Variants in C16orf74 observed in about 807,000 individuals in gnomAD.
C16orf74 encodes calcimembrin.
In C16orf74, 10 loss-of-function variants were observed where a neutral mutation model predicts 6.5. The observed-to-expected ratio is 1.54, with a 90% CI of 0.95 to 2.61. C16orf74 has a LOEUF of 2.61. Ranked by LOEUF, C16orf74 falls within the 30% of genes most tolerant of loss-of-function variation. The pLI, the probability that C16orf74 is intolerant of heterozygous loss-of-function variation, is 0.00. For synonymous variants in C16orf74, 60 were observed against 42.5 expected (o/e 1.41, Z -1.60); for missense variants, 141 against 105.9 (o/e 1.33, Z -1.45).
At chr16:85,746,305 G>A (rs946076629) in intron 1 of C16orf74, among the ~76,000 whole-genome samples, 4 of 151,768 alleles carry the variant, frequency 2.6e-5, no homozygotes, top group Admixed American at 6.6e-5. Context: ...AGTGGAGATC[G>A]CGCCACTGCA....
At chr16:85,724,548 C>T (rs571514365) in intron 2 of C16orf74, among the ~76,000 whole-genome samples, 3 of 152,166 alleles carry the variant, frequency 2.0e-5, no homozygotes, top group Admixed American at 6.5e-5. Context: ...CCTTGCTGTG[C>T]GGATGAAAGG....
At chr16:85,741,280 C>T (rs1022824052) in intron 1 of C16orf74, among the ~76,000 whole-genome samples, 8 of 152,304 alleles carry the variant, frequency 5.3e-5, no homozygotes, top group Middle Eastern at 3.4e-3. Flanking sequence ...TGTATTATGC[C>T]GTGCCAGGCA....
chr16:85,726,888 T>C (rs1409805908), intron 2 of C16orf74, among the ~76,000 whole-genome samples: 2 of 152,154 alleles, frequency 1.3e-5, no homozygotes, highest in Non-Finnish European at 2.9e-5. Context: ...CCCATGAGTT[T>C]CTGCTACCGG....
chr16:85,733,063 G>C (rs1420651991), intron 2 of C16orf74, among the ~76,000 whole-genome samples: 3 of 152,194 alleles, frequency 2.0e-5, no homozygotes, highest in Non-Finnish European at 4.4e-5. Flanking sequence ...CCTTGGGCTG[G>C]AAGAAAAGTG....
At position 85,707,772 on chromosome 16, in the gene C16orf74, A is replaced by G; in HGVS notation, c.*236T>C. On this transcript the variant is annotated 3_prime_UTR_variant, in exon 4 of 4. Coordinates refer to ENST00000284245, the MANE Select transcript of C16orf74 (RefSeq NM_206967.3). ...TCCCTTTCACCAGGCCGGAGTCAGC[A>G]AGAACCTGGAGGTGTCAGAGGTCCG... 1.8e-6 allele frequency: 1 copy of G among 546,872 alleles called. No individual in the cohort carries two copies. Among genetic ancestry groups the G allele is most frequent in the East Asian group, 3.3e-5 (1 of 30,646 alleles). The allele number at this position is 546,872 out of a possible 1,614,324, so 33.9% of individuals were successfully genotyped here.
intron 2 of C16orf74, among the ~76,000 whole-genome samples, chr16:85,722,166 G>C (rs2054089663): frequency 6.6e-6 from 1 of 151,832 alleles, no homozygotes; most frequent in South Asian, 2.1e-4. Flanking sequence ...GCCCAGCTCT[G>C]ACTGTAACTT....
At chr16:85,723,696 G>A (rs1187305217) in intron 2 of C16orf74, among the ~76,000 whole-genome samples, 2 of 152,230 alleles carry the variant, frequency 1.3e-5, no homozygotes, top group African/African-American at 2.4e-5. Flanking sequence ...GTCCTGCTTG[G>A]GCAAGGCAGG....
chr16:85,707,587 T>C lies in C16orf74; in HGVS notation c.*421A>G, dbSNP rs895148424. On this transcript the variant is annotated 3_prime_UTR_variant, in exon 4 of 4. Coordinates refer to ENST00000284245, the MANE Select transcript of C16orf74 (RefSeq NM_206967.3). ...AATCCCATTTTGGACTGTTTCCGTA[T>C]CTGTAAAACAACTTATAAAAAACAG... is the stretch of plus-strand genomic sequence containing the variant. 4.7e-4 allele frequency: 82 copies of C among 173,872 alleles called. 1 individual carries two copies. Among genetic ancestry groups the C allele is most frequent in the African/African-American group, 1.8e-3 (76 of 42,440 alleles). 10.8% of individuals were successfully genotyped at this position (173,872 alleles called of 1,614,324 possible).
chr16:85,716,098 C>T (rs947276669), intron 2 of C16orf74, among the ~76,000 whole-genome samples: 5 of 152,118 alleles, frequency 3.3e-5, no homozygotes, highest in Non-Finnish European at 7.4e-5. Flanking sequence ...ACCCCTTCCT[C>T]GGTGAATACT....
In C16orf74 at chr16:85,722,185, G is replaced by C. The variant is rs146998387; in HGVS notation, c.29-11878C>G. 5.3e-4 allele frequency among the ~76,000 whole-genome samples: 81 copies of C among 152,040 alleles called. No individual in the cohort carries two copies. In the South Asian group the frequency reaches 0.011, roughly 20 times the overall value. Reference sequence around the variant, plus strand: ...AGCTCTGACTGTAACTTTTGCCCTAGATAATAACCTGTATACTGCAGTGCT... The same window carrying C: ...AGCTCTGACTGTAACTTTTGCCCTACATAATAACCTGTATACTGCAGTGCT... On this transcript the variant is annotated intron_variant, in intron 2 of 3. Coordinates refer to ENST00000284245, the MANE Select transcript of C16orf74 (RefSeq NM_206967.3).
intron 1 of C16orf74, among the ~76,000 whole-genome samples, chr16:85,740,930 G>A (rs397492): frequency 1 from 151,664 of 152,042 alleles, 75,647 homozygotes; most frequent in Non-Finnish European, 1. Flanking sequence ...CAGGAACATA[G>A]TGATACGCAT....
intron 3 of C16orf74, 24 bp from the exon 4 acceptor site, chr16:85,708,090 C>G: frequency 6.5e-7 from 1 of 1,540,880 alleles, no homozygotes; most frequent in East Asian, 2.4e-5. Context: ...GGGATGGACA[C>G]CTGGATGCAC....
At chr16:85,743,641 G>C (rs111390352) in intron 1 of C16orf74, 1 of 152,164 alleles carries the variant, frequency 6.6e-6, no homozygotes, top group Non-Finnish European at 1.5e-5. Context: ...ATTTAAGGCC[G>C]GACGCAGTGG....
intron 1 of C16orf74, among the ~76,000 whole-genome samples, chr16:85,747,194 C>G (rs768253484): frequency 1.1e-4 from 16 of 152,118 alleles, no homozygotes; most frequent in Non-Finnish European, 2.2e-4. Flanking sequence ...GATTTGAGCA[C>G]CTTTCTGTAC....
chr16:85,749,437 C>A (rs1169201776), intron 1 of C16orf74, among the ~76,000 whole-genome samples: 1 of 152,016 alleles, frequency 6.6e-6, no homozygotes, highest in South Asian at 2.1e-4. Context: ...AGGTATGCAC[C>A]ACACCCAGCT....
At chr16:85,742,984 C>T (rs1400651786) in intron 1 of C16orf74, among the ~76,000 whole-genome samples, 1 of 152,196 alleles carries the variant, frequency 6.6e-6, no homozygotes, top group Non-Finnish European at 1.5e-5. Context: ...TCATCATCCT[C>T]ATCATCGTCA....
chr16:85,718,839 T>A (rs1284490093), intron 2 of C16orf74, among the ~76,000 whole-genome samples: 1 of 152,242 alleles, frequency 6.6e-6, no homozygotes, highest in Non-Finnish European at 1.5e-5. Context: ...ACTTATTCAT[T>A]GATTCCTTCA....
chr16:85,727,852 G>C (rs1357412528), intron 2 of C16orf74, among the ~76,000 whole-genome samples: 2 of 150,310 alleles, frequency 1.3e-5, no homozygotes, highest in Non-Finnish European at 3.0e-5. Context: ...AATAAGAATG[G>C]ATCTGGCCGG....
In C16orf74 at chr16:85,750,163, G is replaced by T. The variant is rs572004950; in HGVS notation, c.-19+763C>A. ...CCGAGAACCGCACTACCTCACAAGT[G>T]CCTTTGCCTCGCAGCCTTCCCTTCC... On this transcript the variant is annotated intron_variant, in intron 1 of 3. Transcript: ENST00000284245. Among the ~76,000 whole-genome samples the T allele has an allele frequency of 3.3e-5, 5 of 152,196 alleles. No homozygotes were observed. The South Asian group carries it at 1.0e-3, about 32-fold the overall frequency.
Sources: gnomAD v4.1 joint callset for allele counts (sites outside exome capture counted in the v4.1 genomes callset) on GRCh38, gnomAD v4.1.1 for gene constraint, MANE v1.5 for transcripts, NCBI Gene and HGNC (gene_info 2026-07-23, HGNC 2026-07-21) for gene names.